Variants in PARD3 observed in about 807,000 individuals in gnomAD.
The protein encoded by PARD3 is partitioning defective 3 homolog.
A neutral mutation model predicts 155.4 loss-of-function variants in PARD3; 75 were observed. The ratio of observed to expected loss-of-function variants is 0.48; its 90% confidence interval spans 0.40 to 0.58. The LOEUF (loss-of-function observed/expected upper bound fraction) is 0.58, where lower values mean the gene tolerates loss of function less well. Ranked by LOEUF, PARD3 falls within the 20% of genes least tolerant of loss-of-function variation. The pLI is 0.00. For missense variants in PARD3, 1,642 were observed against 1,721.7 expected (o/e 0.95, Z 0.82); for synonymous variants, 576 against 610.5 (o/e 0.94, Z 0.83).
At chr10:34,379,641 A>C (rs1841621690) in intron 9 of PARD3, among the ~76,000 whole-genome samples, 1 of 152,092 alleles carries the variant, frequency 6.6e-6, no homozygotes, top group African/African-American at 2.4e-5. Context: ...CAACCCCTAA[A>C]TCTGTAAGCT....
chr10:34,626,363 G>C (rs889686779), intron 2 of PARD3, among the ~76,000 whole-genome samples: 2 of 152,140 alleles, frequency 1.3e-5, no homozygotes, highest in Non-Finnish European at 2.9e-5. Flanking sequence ...CCTCCTCTCT[G>C]TGTGTGAAGT....
rs115451979 is a variant in PARD3, at chr10:34,498,071, A to G, written c.403+18908T>C. Among the ~76,000 whole-genome samples the G allele has an allele frequency of 4.1e-3, 624 of 152,326 alleles. 3 individuals carry two copies. Among genetic ancestry groups the G allele is most frequent in the African/African-American group, 0.014 (587 of 41,578 alleles). ...TTTGATTTCCATAAGATATATTACT[A>G]TAAGATGTTCAAAAAGATTATATTT... On this transcript the variant is annotated intron_variant, in intron 3 of 24. Transcript: ENST00000374788.
At chr10:34,494,030 TC>T (rs1373362111) in intron 3 of PARD3, among the ~76,000 whole-genome samples, 1 of 152,212 alleles carries the variant, frequency 6.6e-6, no homozygotes, top group African/African-American at 2.4e-5. Flanking sequence ...AAGCCAGGTT[TC>T]TGCGGTTTTC....
intron 17 of PARD3, among the ~76,000 whole-genome samples, chr10:34,336,793 T>A (rs1334120550): frequency 6.6e-6 from 1 of 152,096 alleles, no homozygotes; most frequent in Non-Finnish European, 1.5e-5. Context: ...ATTATCAAAA[T>A]ATGAAAGCTT....
At chr10:34,251,428 TACATGTAGTCATTCATGTCATGCTCACAA>T (rs1954301256) in intron 22 of PARD3, among the ~76,000 whole-genome samples, 2 of 152,198 alleles carry the variant, frequency 1.3e-5, no homozygotes, top group Admixed American at 1.3e-4. Flanking sequence ...CAAAGTGCCT[TACATGTAGTCATTCATGTCATGCTCACAA>T]AAAAACCCCA....
chr10:34,236,374 T>C (rs1953235685), intron 22 of PARD3, among the ~76,000 whole-genome samples: 2 of 152,212 alleles, frequency 1.3e-5, no homozygotes. Context: ...TGACCGGGAC[T>C]ACTTTAATAC....
chr10:34,459,333 ATT>A (rs545601200), intron 4 of PARD3, among the ~76,000 whole-genome samples: 6 of 147,688 alleles, frequency 4.1e-5, no homozygotes, highest in Non-Finnish European at 7.5e-5. Context: ...TGCCCAGCTA[ATT>A]TTTTTTTTTG....
At chr10:34,141,514 A>G (rs1405322728) in intron 22 of PARD3, among the ~76,000 whole-genome samples, 1 of 152,170 alleles carries the variant, frequency 6.6e-6, no homozygotes, top group Admixed American at 6.6e-5. Flanking sequence ...AGTTCTCCAG[A>G]TGCTTTATGG....
At chr10:34,523,927 GC>G (rs1346882063) in intron 2 of PARD3, among the ~76,000 whole-genome samples, 1 of 151,928 alleles carries the variant, frequency 6.6e-6, no homozygotes, top group Non-Finnish European at 1.5e-5. Context: ...AAATTCTTCT[GC>G]CCTTTCACTC....
chr10:34,122,281 A>C (rs1156799053), intron 23 of PARD3, among the ~76,000 whole-genome samples: 1 of 152,214 alleles, frequency 6.6e-6, no homozygotes, highest in African/African-American at 2.4e-5. Context: ...GTCTTGTAGA[A>C]ATTTCAGGTG....
chr10:34,709,395 T>TATA (rs1305847025), intron 1 of PARD3, among the ~76,000 whole-genome samples: 3 of 152,164 alleles, frequency 2.0e-5, no homozygotes, highest in Non-Finnish European at 4.4e-5. Flanking sequence ...TAACAGATGC[T>TATA]CCACCTGTAT....
At chr10:34,623,685 C>T (rs934831356) in intron 2 of PARD3, among the ~76,000 whole-genome samples, 4 of 151,996 alleles carry the variant, frequency 2.6e-5, no homozygotes, top group Non-Finnish European at 4.4e-5. Context: ...ACCTGTTTAA[C>T]AATGTCAGTG....
chr10:34,312,477 T>C (rs1957755268), intron 20 of PARD3: 5 of 1,144,766 alleles, frequency 4.4e-6, no homozygotes, highest in South Asian at 1.3e-5. Flanking sequence ...CTAAGATGTA[T>C]AATCCAAACT....
At chr10:34,467,829 A>G (rs2078107302) in intron 4 of PARD3, among the ~76,000 whole-genome samples, 1 of 152,206 alleles carries the variant, frequency 6.6e-6, no homozygotes, top group Admixed American at 6.5e-5. Context: ...TGAGAGTCTC[A>G]GTGCTCTCCT....
At chr10:34,398,015 T>C (rs1287795062) in intron 7 of PARD3, among the ~76,000 whole-genome samples, 1 of 152,210 alleles carries the variant, frequency 6.6e-6, no homozygotes, top group African/African-American at 2.4e-5. Flanking sequence ...GAAATTTTAA[T>C]GCTTCTCTAA....
chr10:34,732,319 G>A (rs1432577581), intron 1 of PARD3, among the ~76,000 whole-genome samples: 1 of 152,188 alleles, frequency 6.6e-6, no homozygotes, highest in East Asian at 1.9e-4. Flanking sequence ...GAGGCCTGAA[G>A]TAAACTGCAC....
At chr10:34,178,305 C>T (rs1950124066) in intron 22 of PARD3, among the ~76,000 whole-genome samples, 1 of 152,100 alleles carries the variant, frequency 6.6e-6, no homozygotes, top group African/African-American at 2.4e-5. Context: ...AAGCGGAAAC[C>T]CTAAACTTTC....
chr10:34,696,765 T>C (rs569195808), intron 1 of PARD3, among the ~76,000 whole-genome samples: 8 of 151,480 alleles, frequency 5.3e-5, no homozygotes, highest in Non-Finnish European at 1.0e-4. Flanking sequence ...ATTATACTTA[T>C]TAACCCCCAA....
At chr10:34,539,038 G>T (rs1327482623) in intron 2 of PARD3, among the ~76,000 whole-genome samples, 2 of 152,194 alleles carry the variant, frequency 1.3e-5, no homozygotes, top group African/African-American at 4.8e-5. Flanking sequence ...ATTATTTGTA[G>T]TATTTATTTA....
Sources: gnomAD v4.1 joint callset for allele counts (sites outside exome capture counted in the v4.1 genomes callset) on GRCh38, gnomAD v4.1.1 for gene constraint, MANE v1.5 for transcripts, NCBI Gene and HGNC (gene_info 2026-07-23, HGNC 2026-07-21) for gene names.